The following CPA6 variants were observed in gnomAD, a reference collection of about 807,000 sequenced individuals.
The protein encoded by CPA6 is carboxypeptidase A6.
Under a neutral mutation model 63.3 loss-of-function variants are expected in CPA6, and 58 were observed. That is an observed-to-expected ratio of 0.92 (90% CI 0.74 to 1.14). The LOEUF is 1.14. Ranked by LOEUF, CPA6 falls within the 50% of genes most tolerant of loss-of-function variation. The pLI is 0.00. For synonymous variants in CPA6, 185 were observed against 179.0 expected, an observed-to-expected ratio of 1.03 and a Z score of -0.27; for missense variants, 565 against 526.6, an observed-to-expected ratio of 1.07 and a Z score of -0.71.
chr8:67,647,652 G>A (rs1300773948), intron 1 of CPA6, among the ~76,000 whole-genome samples: 7 of 152,180 alleles, frequency 4.6e-5, no homozygotes, highest in Admixed American at 4.6e-4. Flanking sequence ...GTTCTCTGAA[G>A]TTCCCTTATC....
intron 1 of CPA6, among the ~76,000 whole-genome samples, chr8:67,629,274 C>A (rs1041841544): frequency 1.3e-5 from 2 of 151,740 alleles, no homozygotes; most frequent in Non-Finnish European, 2.9e-5. Flanking sequence ...TGAGACCAAC[C>A]TGGACAACAT....
intron 1 of CPA6, among the ~76,000 whole-genome samples, chr8:67,717,869 C>A (rs1012920731): frequency 7.2e-5 from 11 of 152,048 alleles, no homozygotes; most frequent in African/African-American, 2.2e-4. Context: ...CTGGCTGTTA[C>A]CAGAAGGTGG....
intron 2 of CPA6, among the ~76,000 whole-genome samples, chr8:67,570,618 C>T (rs189305422): frequency 8.9e-4 from 136 of 152,220 alleles, no homozygotes; most frequent in African/African-American, 3.1e-3. Flanking sequence ...TAAGCTGTTA[C>T]CAGCTTGAAA....
intron 2 of CPA6, among the ~76,000 whole-genome samples, chr8:67,597,462 G>A (rs1309648204): frequency 6.6e-6 from 1 of 151,988 alleles, no homozygotes; most frequent in Non-Finnish European, 1.5e-5. Context: ...CTAAAGCGCT[G>A]GGATTACAGG....
At chr8:67,681,802 CTTTAT>C (rs2128996030) in intron 1 of CPA6, among the ~76,000 whole-genome samples, 1 of 152,198 alleles carries the variant, frequency 6.6e-6, no homozygotes, top group East Asian at 1.9e-4. Flanking sequence ...ATTACTACAA[CTTTAT>C]AAACAGTCTC....
intron 2 of CPA6, among the ~76,000 whole-genome samples, chr8:67,557,781 T>C (rs985986096): frequency 1.3e-5 from 2 of 152,176 alleles, no homozygotes; most frequent in Admixed American, 1.3e-4. Flanking sequence ...AAGTAAGGAA[T>C]AGACACTAAA....
intron 2 of CPA6, among the ~76,000 whole-genome samples, chr8:67,619,156 A>C (rs900985247): frequency 6.6e-6 from 1 of 152,206 alleles, no homozygotes; most frequent in African/African-American, 2.4e-5. Flanking sequence ...TTTATAGCCT[A>C]TGCATGTAGT....
intron 2 of CPA6, among the ~76,000 whole-genome samples, chr8:67,519,994 G>C (rs536808216): frequency 1.3e-5 from 2 of 151,894 alleles, no homozygotes; most frequent in East Asian, 3.9e-4. Flanking sequence ...GCCTTTATAA[G>C]AAAAAGCATG....
chr8:67,676,428 G>A (rs1362904460), intron 1 of CPA6, among the ~76,000 whole-genome samples: 2 of 152,184 alleles, frequency 1.3e-5, no homozygotes, highest in East Asian at 3.8e-4. Context: ...CCCTGTGACT[G>A]TTTGGACATG....
intron 8 of CPA6, among the ~76,000 whole-genome samples, chr8:67,440,206 G>A (rs1337409926): frequency 6.6e-6 from 1 of 152,128 alleles, no homozygotes; most frequent in East Asian, 1.9e-4. Context: ...CTAGCTTTGG[G>A]TGGTTCTTTG....
intron 2 of CPA6, among the ~76,000 whole-genome samples, chr8:67,541,558 C>T (rs1377212657): frequency 6.6e-6 from 1 of 152,134 alleles, no homozygotes. Flanking sequence ...CTCTTGTGGA[C>T]CCCCTTAGAG....
chr8:67,665,989 T>C (rs1043759118), intron 1 of CPA6, among the ~76,000 whole-genome samples: 1 of 152,254 alleles, frequency 6.6e-6, no homozygotes, highest in Admixed American at 6.5e-5. Flanking sequence ...CACGCCTCTC[T>C]TCCATCTCTA....
At chr8:67,477,271 C>G (rs1048735836) in intron 8 of CPA6, among the ~76,000 whole-genome samples, 13 of 108,546 alleles carry the variant, frequency 1.2e-4, no homozygotes, top group African/African-American at 4.2e-4. Context: ...GCCTGGGTGA[C>G]AGAGGGAGAC....
At chr8:67,433,565 G>A (rs1810076021) in intron 9 of CPA6, among the ~76,000 whole-genome samples, 1 of 152,162 alleles carries the variant, frequency 6.6e-6, no homozygotes, top group South Asian at 2.1e-4. Flanking sequence ...TTTAATTAAT[G>A]AGAATCAATC....
At chr8:67,441,649 C>G (rs1810296937) in intron 8 of CPA6, among the ~76,000 whole-genome samples, 1 of 151,992 alleles carries the variant, frequency 6.6e-6, no homozygotes, top group African/African-American at 2.4e-5. Context: ...ACCAATGGAA[C>G]AGAATCACCA....
intron 8 of CPA6, among the ~76,000 whole-genome samples, chr8:67,473,474 C>T (rs2128959452): frequency 6.6e-6 from 1 of 152,220 alleles, no homozygotes; most frequent in African/African-American, 2.4e-5. Flanking sequence ...TTAGACAAAG[C>T]TTATGAAAGA....
At chr8:67,432,153 T>C (rs1206735611) in intron 9 of CPA6, among the ~76,000 whole-genome samples, 1 of 152,204 alleles carries the variant, frequency 6.6e-6, no homozygotes, top group Non-Finnish European at 1.5e-5. Context: ...TGCAGGGTGC[T>C]GCCAGAAAGA....
chr8:67,579,165 C>G (rs1443629609), intron 2 of CPA6, among the ~76,000 whole-genome samples: 1 of 152,016 alleles, frequency 6.6e-6, no homozygotes, highest in Non-Finnish European at 1.5e-5. Flanking sequence ...AATCCCAGCA[C>G]TTTAGGAGGT....
chr8:67,666,429 G>A (rs1051843648), intron 1 of CPA6, among the ~76,000 whole-genome samples: 2 of 152,114 alleles, frequency 1.3e-5, no homozygotes, highest in African/African-American at 4.8e-5. Flanking sequence ...GGGTGGGGAG[G>A]GGGGCACTCT....
Sources: gnomAD v4.1 joint callset for allele counts (sites outside exome capture counted in the v4.1 genomes callset) on GRCh38, gnomAD v4.1.1 for gene constraint, MANE v1.5 for transcripts, NCBI Gene and HGNC (gene_info 2026-07-23, HGNC 2026-07-21) for gene names.